The following RBFOX3 variants were observed in gnomAD, a reference collection of about 807,000 sequenced individuals.
RBFOX3 encodes RNA binding protein fox-1 homolog 3.
In RBFOX3, 17 loss-of-function variants were observed where a neutral mutation model predicts 48.7. The ratio of observed to expected loss-of-function variants is 0.35; its 90% CI spans 0.24 to 0.52. RBFOX3 has a LOEUF of 0.52. Among genes scored for constraint, RBFOX3 ranks in the 20% least tolerant of loss-of-function variants. RBFOX3 has a pLI of 0.94. For synonymous variants in RBFOX3, 212 were observed against 209.5 expected, an observed-to-expected ratio of 1.01 and a Z score of -0.10; for missense variants, 382 against 497.5, an observed-to-expected ratio of 0.77 and a Z score of 2.21.
At chr17:79,329,121 C>T (rs1275094196) in intron 2 of RBFOX3, among the ~76,000 whole-genome samples, 4 of 152,134 alleles carry the variant, frequency 2.6e-5, no homozygotes, top group South Asian at 2.1e-4. Context: ...CCCTGGCTCC[C>T]GCAGGGCCAG....
intron 6 of RBFOX3, among the ~76,000 whole-genome samples, chr17:79,105,754 A>G (rs1452371088): frequency 4.6e-5 from 7 of 152,114 alleles, no homozygotes. Context: ...GAGGCTGTCT[A>G]CCTGCGCAGC....
chr17:79,427,971 G>T (rs1555726472), intron 2 of RBFOX3, among the ~76,000 whole-genome samples: 1 of 152,188 alleles, frequency 6.6e-6, no homozygotes, highest in Non-Finnish European at 1.5e-5. Flanking sequence ...GCTGGTTACG[G>T]CTGGCACTTC....
At chr17:79,285,210 T>C (rs1039859711) in intron 3 of RBFOX3, among the ~76,000 whole-genome samples, 2 of 152,210 alleles carry the variant, frequency 1.3e-5, no homozygotes, top group Non-Finnish European at 2.9e-5. Flanking sequence ...TCCTCGCTCC[T>C]GCACTGAGAA....
At chr17:79,120,103 G>A (rs754290800) in intron 4 of RBFOX3, among the ~76,000 whole-genome samples, 2 of 152,182 alleles carry the variant, frequency 1.3e-5, no homozygotes, top group Non-Finnish European at 2.9e-5. Flanking sequence ...AGGAGTTCCT[G>A]CTGGGCTATG....
intron 3 of RBFOX3, among the ~76,000 whole-genome samples, chr17:79,289,436 C>T (rs1043727616): frequency 6.6e-6 from 1 of 152,262 alleles, no homozygotes; most frequent in Non-Finnish European, 1.5e-5. Context: ...AGAAGGAACC[C>T]AGTACCCAGT....
intron 2 of RBFOX3, among the ~76,000 whole-genome samples, chr17:79,379,644 GAAGCTGGCTCCA>G (rs1452329990): frequency 1.3e-5 from 2 of 152,212 alleles, no homozygotes; most frequent in African/African-American, 4.8e-5. Flanking sequence ...TTCCAGGCGG[GAAGCTGGCTCCA>G]GGGCTACACT....
chr17:79,219,789 C>T (rs1361398731), intron 4 of RBFOX3, among the ~76,000 whole-genome samples: 1 of 146,610 alleles, frequency 6.8e-6, no homozygotes, highest in Admixed American at 6.8e-5. Flanking sequence ...GTTTGGGAAG[C>T]GGGAGGAGTA....
rs1264449147 is a variant in RBFOX3 at position 79,243,314 on chromosome 17, C to T, written c.-73-7509G>A. Among the ~76,000 whole-genome samples, 1 of 152,116 alleles carries T rather than the reference C, an allele frequency of 6.6e-6. No homozygotes were observed. The highest frequency in any genetic ancestry group is 2.4e-5 in the African/African-American group (1 of 41,418). Reference sequence around the variant, plus strand: ...GTGAGCAGGGGGCAAACCAACGTGGCCCCAGGAGAAAACCCACTGTACTCC... The same window carrying T: ...GTGAGCAGGGGGCAAACCAACGTGGTCCCAGGAGAAAACCCACTGTACTCC... On this transcript the variant is annotated intron_variant, in intron 3 of 14. Transcript: ENST00000693108. The surrounding 1 kb of genome is among the most constrained non-coding windows in gnomAD (Gnocchi z 7.9).
chr17:79,493,475 T>C (rs1009647879), intron 1 of RBFOX3, among the ~76,000 whole-genome samples: 3 of 152,230 alleles, frequency 2.0e-5, no homozygotes, highest in Middle Eastern at 3.4e-3. Flanking sequence ...CCAGACCTTC[T>C]TACCTGCCAC....
chr17:79,116,609 C>T (rs925317023), intron 4 of RBFOX3, among the ~76,000 whole-genome samples: 1 of 152,260 alleles, frequency 6.6e-6, no homozygotes, highest in African/African-American at 2.4e-5. Context: ...AGTGACTGTG[C>T]AGAAGCTGAA....
At chr17:79,495,588 T>G (rs1404968462) in intron 1 of RBFOX3, among the ~76,000 whole-genome samples, 2 of 4,674 alleles carry the variant, frequency 4.3e-4, no homozygotes, top group African/African-American at 6.3e-4. Flanking sequence ...TGTGGGAAGG[T>G]GGGGGAGGGG....
At chr17:79,387,838 A>C (rs2060771871) in intron 2 of RBFOX3, among the ~76,000 whole-genome samples, 1 of 152,246 alleles carries the variant, frequency 6.6e-6, no homozygotes, top group Admixed American at 6.5e-5. Context: ...GCAGGACCAG[A>C]CTAACGTGTG....
chr17:79,200,400 C>A (rs1404177756), intron 4 of RBFOX3, among the ~76,000 whole-genome samples: 1 of 152,236 alleles, frequency 6.6e-6, no homozygotes, highest in Non-Finnish European at 1.5e-5. Context: ...CCAGCTGTCA[C>A]TCAGGTGTCC....
chr17:79,454,466 G>A (rs2074127340), intron 2 of RBFOX3, among the ~76,000 whole-genome samples: 1 of 151,832 alleles, frequency 6.6e-6, no homozygotes, highest in South Asian at 2.1e-4. Flanking sequence ...CTGGGATCAA[G>A]AACACTGCCG....
At chr17:79,287,649 C>T (rs74519588) in intron 3 of RBFOX3, among the ~76,000 whole-genome samples, 4,629 of 152,270 alleles carry the variant, frequency 0.03, 114 homozygotes, top group East Asian at 0.068. Flanking sequence ...CCCTGAGAAT[C>T]GGGGATCCTG....
intron 2 of RBFOX3, among the ~76,000 whole-genome samples, chr17:79,478,120 G>A (rs4789899): frequency 3.9e-4 from 60 of 152,312 alleles, no homozygotes; most frequent in South Asian, 2.9e-3. Flanking sequence ...CGGCTCATGC[G>A]GGCAGCCTGT....
In RBFOX3 at chr17:79,477,464, G is replaced by A. The variant is rs1452792760; in HGVS notation, c.-175+4990C>T. Reference sequence around the variant, plus strand: ...CCAGCTACTTGGGAGGCTGAGGCAGGAGAATGGCGTGAACCCGGGAGGCGG... The same window carrying A: ...CCAGCTACTTGGGAGGCTGAGGCAGAAGAATGGCGTGAACCCGGGAGGCGG... On this transcript the variant is annotated intron_variant, in intron 2 of 14. Transcript: ENST00000693108. This position sits in a 1 kb window ranked among gnomAD's most constrained non-coding sequence, Gnocchi z 4.8. Among the ~76,000 whole-genome samples the A allele has an allele frequency of 1.3e-5, 2 of 151,852 alleles. No individual in the cohort carries two copies. Among genetic ancestry groups the A allele is most frequent in the Non-Finnish European group, 2.9e-5 (2 of 67,980 alleles).
the RBFOX3 span, among the ~76,000 whole-genome samples, chr17:79,642,029 G>A: frequency 6.6e-6 from 1 of 151,970 alleles, no homozygotes; most frequent in Non-Finnish European, 1.5e-5. Context: ...TTTTTAATGA[G>A]TTACCCAGTC....
In RBFOX3 at chr17:79,360,943, T is replaced by C. The variant is rs568984416; in HGVS notation, c.-174-53119A>G. ...TGTGATTGTAAACCAATTTGTGTTTTGTGTATTGTGAGTAATTGTTGGGAG... is the reference window on the plus strand; with the variant it reads ...TGTGATTGTAAACCAATTTGTGTTTCGTGTATTGTGAGTAATTGTTGGGAG... On this transcript the variant is annotated intron_variant, in intron 2 of 14. Transcript: ENST00000693108. Among the ~76,000 whole-genome samples, 7 of 152,200 alleles carry C rather than the reference T, an allele frequency of 4.6e-5. 1 individual carries two copies. In the South Asian group the frequency reaches 1.2e-3, roughly 27 times the overall value.
Sources: allele counts gnomAD v4.1 joint callset (sites outside exome capture counted in the v4.1 genomes callset), GRCh38; gene constraint gnomAD v4.1.1; non-coding constraint Gnocchi (gnomAD v3.1); transcripts MANE v1.5; gene names NCBI Gene and HGNC (gene_info 2026-07-23, HGNC 2026-07-21).